Variants in DLG5 observed in about 807,000 individuals in gnomAD.
The protein encoded by DLG5 is disks large homolog 5.
Under a neutral mutation model 189.8 loss-of-function variants are expected in DLG5, and 48 were observed. The ratio of observed to expected loss-of-function variants is 0.25; its 90% confidence interval spans 0.20 to 0.32. The LOEUF (loss-of-function observed/expected upper bound fraction) is 0.32, where lower values mean the gene tolerates loss of function less well. Among genes scored for constraint, DLG5 ranks in the 10% least tolerant of loss-of-function variants. The pLI, the probability that DLG5 is intolerant of heterozygous loss-of-function variation, is 1.00. For missense variants in DLG5, 2,160 were observed against 2,544.7 expected, an observed-to-expected ratio of 0.85 and a Z score of 3.25; for synonymous variants, 1,016 against 1,054.1, an observed-to-expected ratio of 0.96 and a Z score of 0.70.
chr10:77,795,015 T>TG (rs1840840386), intron 29 of DLG5, 57 bp from the exon 30 acceptor site: 2 of 1,451,936 alleles, frequency 1.4e-6, no homozygotes, highest in African/African-American at 2.8e-5. Context: ...GCCAGCCCCC[T>TG]GTCCTGCCAC....
chr10:77,870,796 G>A lies in DLG5; in HGVS notation c.305-1599C>T, dbSNP rs147358442. Among the ~76,000 whole-genome samples, 361 of 152,218 alleles carry A rather than the reference G, an allele frequency of 2.4e-3. 2 individuals are homozygous for A. The highest frequency in any genetic ancestry group is 0.023 in the South Asian group (112 of 4,826). On this transcript the variant is annotated intron_variant, in intron 1 of 31. Coordinates refer to ENST00000372391, the MANE Select transcript of DLG5 (RefSeq NM_004747.4). ...AAGAAATGGGGGTAAATGGGGGAGC[G>A]GGGCAGGGGAGGGAGATGCACTGTA...
At position 77,805,867 on chromosome 10, in the gene DLG5, G is replaced by A. The variant is rs1841444774; in HGVS notation, c.4968-6C>T. The A allele has an allele frequency of 1.9e-6, 3 of 1,609,962 alleles. No individual in the cohort carries two copies. The African/African-American group carries it at 4.0e-5, about 22-fold the overall frequency. ...TGGAGAATTCTTGGTCCATCCTGTG[G>A]CACAGGGGACAATGCTGGGCAGGGC... On this transcript the variant is annotated splice_polypyrimidine_tract_variant and splice_region_variant and intron_variant, in intron 26 of 31. Coordinates refer to ENST00000372391, the MANE Select transcript of DLG5 (RefSeq NM_004747.4).
chr10:77,864,503 G>A (rs1481258526), intron 2 of DLG5, among the ~76,000 whole-genome samples: 2 of 152,170 alleles, frequency 1.3e-5, no homozygotes, highest in East Asian at 3.9e-4. Context: ...CCCAGGCCCT[G>A]CCTGGGGTGA....
intron 9 of DLG5, among the ~76,000 whole-genome samples, chr10:77,832,773 G>A (rs764075082): frequency 3.3e-5 from 5 of 152,214 alleles, no homozygotes; most frequent in Non-Finnish European, 5.9e-5. Flanking sequence ...TTCACGGCCA[G>A]AGATTCTAGG....
chr10:77,820,869 C>G (rs1842310370), intron 15 of DLG5: 1 of 574,386 alleles, frequency 1.7e-6, no homozygotes, highest in African/African-American at 1.9e-5. Context: ...ATAAAGTGTT[C>G]CCCTCTTGTG....
intron 14 of DLG5, among the ~76,000 whole-genome samples, chr10:77,823,221 T>C (rs1269696951): frequency 6.6e-6 from 1 of 152,168 alleles, no homozygotes; most frequent in Non-Finnish European, 1.5e-5. Flanking sequence ...AGCCCAACTT[T>C]TCTGTAAACA....
Position 77,821,340 on chromosome 10 carries a change from C to G in DLG5, c.3144G>C (p.Pro1048=). ...LVGSSPSTSP[P]SALPPDVDPG... The stretch of plus-strand genomic sequence containing the variant: ...GGTCCACGTCAGGGGGCAGGGCGCT[C>G]GGGGGACTAGTGGATGGGGAGCTGC... The change falls in exon 15 of 32, where the codon CCG becomes CCC. Residue 1048 remains proline (P), a synonymous_variant. Transcript: ENST00000372391. 6.2e-7 allele frequency: 1 copy of G among 1,612,940 alleles called. No homozygotes were observed. Among genetic ancestry groups the G allele is most frequent in the Non-Finnish European group, 8.5e-7 (1 of 1,179,978 alleles).
At chr10:77,901,461 A>C (rs932430350) in intron 1 of DLG5, among the ~76,000 whole-genome samples, 3 of 152,222 alleles carry the variant, frequency 2.0e-5, no homozygotes, top group Non-Finnish European at 4.4e-5. Flanking sequence ...GAGCAAACCC[A>C]TCTGGACTAA....
chr10:77,939,104 C>A, the DLG5 span, among the ~76,000 whole-genome samples: 2 of 152,134 alleles, frequency 1.3e-5, no homozygotes, highest in Non-Finnish European at 2.9e-5. Flanking sequence ...CACTTGAACC[C>A]GGGAGGCAGA....
chr10:77,857,720 A>G (rs1844304106), intron 2 of DLG5, among the ~76,000 whole-genome samples: 1 of 152,224 alleles, frequency 6.6e-6, no homozygotes, highest in Admixed American at 6.5e-5. Flanking sequence ...ATCCCAGGAG[A>G]AGAGACTAAT....
At chr10:77,809,802 T>C (rs935067292) in intron 23 of DLG5, 72 bp from the exon 24 acceptor site, 27 of 1,516,380 alleles carry the variant, frequency 1.8e-5, no homozygotes, top group Middle Eastern at 1.8e-4. Context: ...CAGTGGCCAA[T>C]GCCCTAACCG....
intron 15 of DLG5, 55 bp from the exon 16 acceptor site, chr10:77,820,073 C>T: frequency 6.2e-7 from 1 of 1,602,746 alleles, no homozygotes; most frequent in Non-Finnish European, 8.5e-7. Context: ...TGGCCAGGCG[C>T]AGTGGCTCAC....
At chr10:77,830,589 G>T in intron 10 of DLG5, 152 bp downstream of exon 10, 1 of 1,334,406 alleles carries the variant, frequency 7.5e-7, no homozygotes, top group Non-Finnish European at 1.0e-6. Flanking sequence ...ACCCAGCCTG[G>T]ACAGCTGCTG....
At chr10:77,916,583 C>T (rs912645229) in intron 1 of DLG5, among the ~76,000 whole-genome samples, 5 of 152,072 alleles carry the variant, frequency 3.3e-5, no homozygotes, top group Non-Finnish European at 4.4e-5. Context: ...TGAGCCACCA[C>T]GCCCGGCCAA....
chr10:77,811,923 C>T lies in DLG5; in HGVS notation c.4322+1G>A. 6.2e-7 allele frequency: 1 copy of T among 1,604,750 alleles called. No individual in the cohort carries two copies. On this transcript the variant is annotated splice_donor_variant, in intron 22 of 31. Transcript: ENST00000372391. LOFTEE classifies it high-confidence loss of function. ...GACGGCCCTGGGAGGCCCGCACTCA[C>T]CTGGACCGGGAGTGGCTGCTGAGCT...
intron 1 of DLG5, among the ~76,000 whole-genome samples, chr10:77,919,953 T>C (rs973605111): frequency 6.6e-6 from 1 of 152,186 alleles, no homozygotes; most frequent in Admixed American, 6.5e-5. Context: ...GGATACATCA[T>C]TCACTCTACA....
At chr10:77,925,975 G>C (rs1846674923) in intron 1 of DLG5, among the ~76,000 whole-genome samples, 1 of 152,212 alleles carries the variant, frequency 6.6e-6, no homozygotes, top group East Asian at 1.9e-4. Flanking sequence ...GGACCCTGTC[G>C]TCGAGGCACC....
Position 77,806,798 on chromosome 10 carries a change from C to T in DLG5, c.4927G>A (p.Ala1643Thr). The T allele has an allele frequency of 6.4e-7, 1 of 1,558,518 alleles. No individual in the cohort carries two copies. The highest frequency in any genetic ancestry group is 8.7e-7 in the Non-Finnish European group (1 of 1,147,130). The change falls in exon 26 of 32, where the codon GCC becomes ACC. Residue 1643 changes from alanine to threonine, a missense_variant. Ala to Thr is a moderately conservative substitution (Grantham distance 58). Coordinates refer to ENST00000372391, the MANE Select transcript of DLG5 (RefSeq NM_004747.4). ...SWMAWQLDEN[A>T]QKIQRGQIPS... ...ATCTGCCCGCGCTGGATCTTCTGGG[C>T]ATTCTCGTCCAGCTGCCAAGCCATC...
At chr10:77,933,808 C>G in the DLG5 span, among the ~76,000 whole-genome samples, 1 of 152,136 alleles carries the variant, frequency 6.6e-6, no homozygotes, top group African/African-American at 2.4e-5. Flanking sequence ...CAACCATGCT[C>G]CAGTCCCTGG....
Sources: gnomAD v4.1 joint callset for allele counts (sites outside exome capture counted in the v4.1 genomes callset) on GRCh38, gnomAD v4.1.1 for gene constraint, MANE v1.5 for transcripts, NCBI Gene and HGNC (gene_info 2026-07-23, HGNC 2026-07-21) for gene names.